KRT4: variants seen among roughly 807,000 people sequenced by gnomAD.
KRT4 encodes the protein keratin, type II cytoskeletal 4.
A neutral mutation model predicts 50.6 loss-of-function variants in KRT4; 47 were observed. The observed-to-expected ratio is 0.93, with a 90% CI of 0.73 to 1.18. KRT4 has a LOEUF of 1.18. Among genes scored for constraint, KRT4 ranks in the 50% most tolerant of loss-of-function variants. KRT4 has a pLI of 0.00. For synonymous variants in KRT4, 254 were observed against 251.2 expected (o/e 1.01, Z -0.10); for missense variants, 651 against 645.7 (o/e 1.01, Z -0.09).
chr12:52,809,454 T>C lies in KRT4; in HGVS notation c.763A>G (p.Lys255Glu). ...TCCACCTTGGCCTCCAACTCCACCT[T>C]GTTCAGGTAGGCAGCATCCACGTCC... The part of the protein sequence containing the change: ...KKDVDAAYLN[K>E]VELEAKVDSL... The change falls in exon 4 of 9, where the codon AAG becomes GAG. Residue 255 changes from lysine to glutamate, a missense_variant. Transcript: ENST00000551956. 1 of 1,614,016 alleles carries C rather than the reference T, an allele frequency of 6.2e-7. No homozygotes were observed. The highest frequency in any genetic ancestry group is 2.2e-5 in the East Asian group (1 of 44,878).
intron 4 of KRT4, 182 bp downstream of exon 4, chr12:52,809,201 G>T: frequency 1.5e-6 from 1 of 680,238 alleles, no homozygotes. Context: ...GACCACATCT[G>T]GTTCTAAGAA....
rs538835563 is a variant in KRT4 at position 52,806,629 on chromosome 12, G to T, written c.*440C>A. On this transcript the variant is annotated 3_prime_UTR_variant, in exon 9 of 9. Coordinates refer to ENST00000551956, the MANE Select transcript of KRT4 (RefSeq NM_002272.4). Reference sequence around the variant, plus strand: ...AGAGGAGTAGAATGGGACACTAAGTGGTTCTCATCCTAAGCTTGCAGGGCC... The same window carrying T: ...AGAGGAGTAGAATGGGACACTAAGTTGTTCTCATCCTAAGCTTGCAGGGCC... 6 of 256,216 alleles carry T rather than the reference G, an allele frequency of 2.3e-5. No homozygotes were observed. The highest frequency in any genetic ancestry group is 1.1e-4 in the African/African-American group (5 of 45,822). 15.9% of individuals were successfully genotyped at this position (256,216 alleles called of 1,614,324 possible).
At chr12:52,809,079 T>G in intron 4 of KRT4, 1 of 640,588 alleles carries the variant, frequency 1.6e-6, no homozygotes, top group Non-Finnish European at 2.8e-6. Context: ...AGTGCCGGTG[T>G]GTTGGAATGG....
Position 52,808,679 on chromosome 12 carries a change from C to T in KRT4, c.999+7G>A, listed in dbSNP as rs1460285518. 3.7e-6 allele frequency: 6 copies of T among 1,614,044 alleles called. No individual in the cohort carries two copies. Among genetic ancestry groups the T allele is most frequent in the Non-Finnish European group, 4.2e-6 (5 of 1,179,990 alleles). On this transcript the variant is annotated splice_region_variant and intron_variant, in intron 5 of 8. Coordinates refer to ENST00000551956, the MANE Select transcript of KRT4 (RefSeq NM_002272.4). ...GCCCCATCTCCTGAGAGATCCATAC[C>T]ACCCACCTTGGTCTGGTACAGGGCT... is the stretch of plus-strand genomic sequence containing the variant.
rs200351665 is a variant in KRT4 at position 52,814,072 on chromosome 12, G to C, written c.-14C>G. On this transcript the variant is annotated 5_prime_UTR_variant, in exon 1 of 9. Coordinates refer to ENST00000551956, the MANE Select transcript of KRT4 (RefSeq NM_002272.4). ...TCTGGCAATCATGGCTGCAGAGAGC[G>C]AGCTGGGAGCTATCAGAGAAGTGAC... The C allele has an allele frequency of 3.7e-6, 6 of 1,613,580 alleles. No individual in the cohort carries two copies. The Admixed American group carries it at 5.0e-5, about 13-fold the overall frequency.
At chr12:52,808,938 C>A in intron 4 of KRT4, 88 bp from the exon 5 acceptor site, 1 of 1,403,838 alleles carries the variant, frequency 7.1e-7, no homozygotes, top group Non-Finnish European at 1.0e-6. Context: ...CTGGCATTCA[C>A]AATGTGTAGG....
Position 52,810,340 on chromosome 12 carries a change from G to A in KRT4, c.738+416C>T, listed in dbSNP as rs1351840751. Among the ~76,000 whole-genome samples, 11 of 152,178 alleles carry A rather than the reference G, an allele frequency of 7.2e-5. No homozygotes were observed. In the East Asian group the frequency reaches 2.1e-3, roughly 29 times the overall value. Reference sequence around the variant, plus strand: ...AGGCAGGCGGATGACCTGAGGTCAGGAGTTTGAGACCAGCCTGACCAACAT... The same window carrying A: ...AGGCAGGCGGATGACCTGAGGTCAGAAGTTTGAGACCAGCCTGACCAACAT... On this transcript the variant is annotated intron_variant, in intron 3 of 8. Transcript: ENST00000551956.
intron 1 of KRT4, among the ~76,000 whole-genome samples, chr12:52,812,836 A>G (rs1565685364): frequency 6.6e-6 from 1 of 152,210 alleles, no homozygotes; most frequent in Non-Finnish European, 1.5e-5. Flanking sequence ...TTCTTGCCCC[A>G]TATGTCGAAG....
At position 52,807,851 on chromosome 12, in the gene KRT4, T is replaced by C; in HGVS notation, c.1139A>G (p.Gln380Arg). The change falls in exon 7 of 9, where the codon CAG becomes CGG. Residue 380 changes from glutamine to arginine, a missense_variant. Physicochemically the swap from Gln to Arg is conservative, Grantham distance 43. Coordinates refer to ENST00000551956, the MANE Select transcript of KRT4 (RefSeq NM_002272.4). ...CTGCTCTGCATCAGCCACGGATACC[T>C]GAAGAGTCTGGCACTATTGACAAAG... ...ENIKKQCQTL[Q>R]VSVADAEQRG... 1.2e-6 allele frequency: 2 copies of C among 1,613,810 alleles called. No homozygotes were observed. The highest frequency in any genetic ancestry group is 1.7e-6 in the Non-Finnish European group (2 of 1,180,006).
rs1939912626 is a variant in KRT4 at position 52,811,692 on chromosome 12, G to T, written c.677+71C>A. ...GAGCCTGAGATTCTAAGCCACTGGA[G>T]AGAGCCCCGGGAGCCTGGGTGTGGC... On this transcript the variant is annotated intron_variant, in intron 2 of 8. Coordinates refer to ENST00000551956, the MANE Select transcript of KRT4 (RefSeq NM_002272.4). 4.7e-6 allele frequency: 6 copies of T among 1,289,026 alleles called. No individual in the cohort carries two copies. In the Admixed American group the frequency reaches 6.8e-5, roughly 15 times the overall value. The allele number at this position is 1,289,026 out of a possible 1,614,324, so 79.8% of individuals were successfully genotyped here.
At position 52,811,977 on chromosome 12, in the gene KRT4, C is replaced by T. The variant is rs756880194; in HGVS notation, c.463G>A (p.Val155Met). 12 of 1,612,252 alleles carry T rather than the reference C, an allele frequency of 7.4e-6. No homozygotes were observed. Among genetic ancestry groups the T allele is most frequent in the East Asian group, 6.7e-5 (3 of 44,850 alleles). ...TTATTCTGTTGCTCTAAGAACTGCACCTGTGTTGATAAAGGCACCAGCCAA... is the reference window on the plus strand; with the variant it reads ...TTATTCTGTTGCTCTAAGAACTGCATCTGTGTTGATAAAGGCACCAGCCAA... ...NNKFASFIDK[V>M]QFLEQQNKVL... The change falls in exon 2 of 9, where the codon GTG becomes ATG. Residue 155 changes from valine (V) to methionine (M), a missense_variant and splice_region_variant. Physicochemically the swap from Val to Met is conservative, Grantham distance 21 (BLOSUM62 1). Coordinates refer to ENST00000551956, the MANE Select transcript of KRT4 (RefSeq NM_002272.4).
chr12:52,813,472 G>A, intron 1 of KRT4, 125 bp downstream of exon 1: 3 of 839,638 alleles, frequency 3.6e-6, no homozygotes, highest in Non-Finnish European at 6.0e-6. Context: ...TTCAACAGCT[G>A]GAGAATTGGG....
intron 7 of KRT4, 42 bp downstream of exon 7, chr12:52,807,602 A>T: frequency 6.3e-7 from 1 of 1,599,092 alleles, no homozygotes; most frequent in Non-Finnish European, 8.6e-7. Context: ...ATGGCCCTGG[A>T]CCTCTCTGGC....
intron 1 of KRT4, 123 bp from the exon 2 acceptor site, chr12:52,812,100 G>A: frequency 1.3e-6 from 1 of 753,592 alleles, no homozygotes; most frequent in Non-Finnish European, 2.3e-6. Flanking sequence ...CCCAAGTAGG[G>A]CCACTATGTT....
chr12:52,812,981 C>T (rs1939938438), intron 1 of KRT4, among the ~76,000 whole-genome samples: 1 of 152,086 alleles, frequency 6.6e-6, no homozygotes, highest in Non-Finnish European at 1.5e-5. Flanking sequence ...CATGCATGAC[C>T]ATAACTGAGC....
Position 52,813,831 on chromosome 12 carries a change from AC to A in KRT4, c.227del (p.Gly76ValfsTer83). 1.5e-6 allele frequency: 1 copy of A among 675,180 alleles called. No individual in the cohort carries two copies. Among genetic ancestry groups the A allele is most frequent in the Non-Finnish European group, 2.0e-6 (1 of 488,842 alleles). The allele number at this position is 675,180 out of a possible 1,614,324, so 41.8% of individuals were successfully genotyped here. A position where few individuals can be genotyped will look rare whatever the true frequency, so the allele number is the denominator to read the frequency against. ...AGCCACCAGTGCCAAAGCCTCCAGC[AC>A]CCCCAAAGCAGGCACCTTGTCGTGA... ...AGSRQGACFG[G>X]AGGFGTGGFG... On this transcript the variant is annotated frameshift_variant, in exon 1 of 9. Coordinates refer to ENST00000551956, the MANE Select transcript of KRT4 (RefSeq NM_002272.4). LOFTEE classifies it high-confidence loss of function.
chr12:52,807,234 G>A lies in KRT4; in HGVS notation c.1398C>T (p.Ser466=), dbSNP rs1014914887. 4 of 1,614,078 alleles carry A rather than the reference G, an allele frequency of 2.5e-6. No individual in the cohort carries two copies. The highest frequency in any genetic ancestry group is 3.4e-6 in the Non-Finnish European group (4 of 1,180,044). The part of the protein sequence containing the change: ...SAVSISVVSG[S]TSTGGISGGL... ...CTCCGCTGATGCCTCCAGTGCTGGT[G>A]CTACCGCTGACCACAGCTGCAGAAA... The change falls in exon 9 of 9, where the codon AGC becomes AGT. Residue 466 remains serine, a synonymous_variant. Transcript: ENST00000551956.
intron 8 of KRT4, 50 bp downstream of exon 8, chr12:52,807,309 G>A (rs1221139263): frequency 5.0e-6 from 8 of 1,613,882 alleles, no homozygotes; most frequent in Non-Finnish European, 6.8e-6. Flanking sequence ...CCAGGGGTCT[G>A]GCAAGACCCG....
At position 52,808,591 on chromosome 12, in the gene KRT4, T is replaced by A. The variant is rs371678336; in HGVS notation, c.999+95A>T. ...CTGGGAGAGTCTGTTCATATCTGAC[T>A]TCTATTGGGCTTGAGCTAATGATCA... On this transcript the variant is annotated intron_variant, in intron 5 of 8. Transcript: ENST00000551956. The A allele has an allele frequency of 5.9e-6, 9 of 1,514,694 alleles. No individual in the cohort carries two copies. The South Asian group carries it at 6.8e-5, about 11-fold the overall frequency. The allele number at this position is 1,514,694 out of a possible 1,614,324, so 93.8% of individuals were successfully genotyped here. A position where few individuals can be genotyped will look rare whatever the true frequency, so the allele number is the denominator to read the frequency against.
Sources: allele counts gnomAD v4.1 joint callset (sites outside exome capture counted in the v4.1 genomes callset), GRCh38; gene constraint gnomAD v4.1.1; transcripts MANE v1.5; gene names NCBI Gene and HGNC (gene_info 2026-07-23, HGNC 2026-07-21).